Variants in SNX14 observed in about 807,000 individuals in gnomAD.
SNX14 encodes sorting nexin 14.
SNX14 carries 93 observed loss-of-function variants against 133.8 expected under a neutral mutation model. That is an observed-to-expected ratio of 0.70 (90% CI 0.59 to 0.83). The LOEUF is 0.83. SNX14 is among the 40% of genes least tolerant of loss of function. SNX14 has a pLI of 0.00. For synonymous variants in SNX14, 368 were observed against 365.6 expected (o/e 1.01, Z -0.07); for missense variants, 945 against 1,094.9 (o/e 0.86, Z 1.93).
intron 6 of SNX14, among the ~76,000 whole-genome samples, chr6:85,560,007 G>A (rs1204425051): frequency 6.6e-6 from 1 of 152,216 alleles, no homozygotes; most frequent in Non-Finnish European, 1.5e-5. Context: ...TGGCAAGGAT[G>A]TGGAGAAATT....
intron 7 of SNX14, among the ~76,000 whole-genome samples, 192 bp downstream of exon 7, chr6:85,557,779 CTTTTA>C (rs913007637): frequency 6.6e-6 from 1 of 152,148 alleles, no homozygotes; most frequent in African/African-American, 2.4e-5. Context: ...GTAAAGTTAA[CTTTTA>C]TTTTAATTTT....
intron 1 of SNX14, among the ~76,000 whole-genome samples, chr6:85,588,390 G>A (rs919293790): frequency 1.3e-4 from 20 of 151,948 alleles, no homozygotes; most frequent in Non-Finnish European, 2.2e-4. Flanking sequence ...TGACTAACAC[G>A]GTGAAACCCC....
intron 1 of SNX14, among the ~76,000 whole-genome samples, chr6:85,577,982 G>A (rs1429022529): frequency 1.3e-5 from 2 of 152,120 alleles, no homozygotes; most frequent in Admixed American, 6.6e-5. Context: ...TGAGGAAGTG[G>A]GATTGGTAAA....
intron 9 of SNX14, among the ~76,000 whole-genome samples, chr6:85,547,826 TCA>T (rs1582829055): frequency 6.6e-6 from 1 of 152,264 alleles, no homozygotes; most frequent in East Asian, 1.9e-4. Context: ...TCTCACTGGA[TCA>T]AAGGTAGAAG....
chr6:85,568,717 T>C (rs1485550514), intron 4 of SNX14, among the ~76,000 whole-genome samples: 3 of 152,190 alleles, frequency 2.0e-5, no homozygotes, highest in Non-Finnish European at 4.4e-5. Context: ...CTGGCAGCAA[T>C]AATAAAGTTT....
At chr6:85,543,827 C>T (rs1784621805) in intron 12 of SNX14, 67 bp from the exon 13 acceptor site, 1 of 1,020,324 alleles carries the variant, frequency 9.8e-7, no homozygotes, top group African/African-American at 1.7e-5. Flanking sequence ...AAGCTTCAGT[C>T]CCATTCTAAT....
chr6:85,588,188 T>C (rs776510934), intron 1 of SNX14, among the ~76,000 whole-genome samples: 2 of 151,828 alleles, frequency 1.3e-5, no homozygotes, highest in Non-Finnish European at 2.9e-5. Context: ...GAGGCTGAAG[T>C]GGGAGGACTG....
rs552343580 is a variant in SNX14, at chr6:85,515,932, T to C, written c.2269-1303A>G. On this transcript the variant is annotated intron_variant, in intron 23 of 28. Transcript: ENST00000314673. ...ATAAAGAGATATACAGTTTATTACA[T>C]CTGTTGACAATAATCACTAAGGCTA... Among the ~76,000 whole-genome samples the C allele has an allele frequency of 7.9e-5, 12 of 152,316 alleles. No individual in the cohort carries two copies. In the South Asian group the frequency reaches 1.2e-3, roughly 16 times the overall value.
chr6:85,517,928 C>T, intron 22 of SNX14, 53 bp from the exon 23 acceptor site: 1 of 1,577,094 alleles, frequency 6.3e-7, no homozygotes, highest in Non-Finnish European at 8.6e-7. Flanking sequence ...ATTTTTAGTA[C>T]ATAATCCAGC....
chr6:85,575,631 T>C (rs925749945), intron 1 of SNX14, among the ~76,000 whole-genome samples: 1 of 152,176 alleles, frequency 6.6e-6, no homozygotes, highest in Non-Finnish European at 1.5e-5. Flanking sequence ...CAAATGTAAA[T>C]GAAGTACAGA....
chr6:85,543,478 C>T (rs1784456005), intron 13 of SNX14, 127 bp downstream of exon 13: 1 of 1,056,022 alleles, frequency 9.5e-7, no homozygotes, highest in Non-Finnish European at 1.3e-6. Flanking sequence ...TTAAAGCTTT[C>T]ATCTCATTAG....
chr6:85,529,272 T>G (rs1779481667), intron 19 of SNX14, among the ~76,000 whole-genome samples: 1 of 120,382 alleles, frequency 8.3e-6, no homozygotes, highest in East Asian at 2.3e-4. Context: ...AACAAGGAAA[T>G]GAAGGAAGGA....
At chr6:85,523,971 T>G (rs1483203600) in intron 21 of SNX14, among the ~76,000 whole-genome samples, 1 of 152,026 alleles carries the variant, frequency 6.6e-6, no homozygotes, top group Non-Finnish European at 1.5e-5. Context: ...GATCACGAGG[T>G]CAAGAGATCG....
intron 6 of SNX14, among the ~76,000 whole-genome samples, chr6:85,562,582 CTTTTTTTTTTTT>C (rs201175458): frequency 1.1e-5 from 1 of 94,856 alleles, no homozygotes; most frequent in East Asian, 3.2e-4. Context: ...ACTTTTTGGG[CTTTTTTTTTTTT>C]TTTTTTTTTT....
intron 12 of SNX14, 127 bp downstream of exon 12, chr6:85,546,985 G>T: frequency 1.9e-6 from 1 of 530,352 alleles, no homozygotes; most frequent in Non-Finnish European, 3.0e-6. Context: ...AAAAAAAAAA[G>T]GAAATCGAGT....
intron 8 of SNX14, 35 bp from the exon 9 acceptor site, chr6:85,548,411 A>C: frequency 6.9e-7 from 1 of 1,459,648 alleles, no homozygotes; most frequent in Non-Finnish European, 9.4e-7. Flanking sequence ...GTTTATATTT[A>C]GTGATTTATA....
intron 28 of SNX14, among the ~76,000 whole-genome samples, chr6:85,506,625 G>A (rs533751111): frequency 3.3e-5 from 5 of 152,276 alleles, no homozygotes; most frequent in African/African-American, 1.2e-4. Flanking sequence ...CAACTTGAAA[G>A]TTTATAATAA....
chr6:85,508,206 AGGCTCCT>A (rs1171830905), intron 26 of SNX14, 147 bp from the exon 27 acceptor site: 1 of 1,343,864 alleles, frequency 7.4e-7, no homozygotes, highest in African/African-American at 1.5e-5. Flanking sequence ...TTTCTATAAG[AGGCTCCT>A]GGATAAGAGG....
chr6:85,580,348 T>C (rs1484661344), intron 1 of SNX14, among the ~76,000 whole-genome samples: 1 of 152,182 alleles, frequency 6.6e-6, no homozygotes, highest in East Asian at 1.9e-4. Context: ...TAACCAGGTA[T>C]TCACACAGTA....
Sources: gnomAD v4.1 joint callset for allele counts (sites outside exome capture counted in the v4.1 genomes callset) on GRCh38, gnomAD v4.1.1 for gene constraint, MANE v1.5 for transcripts, NCBI Gene and HGNC (gene_info 2026-07-23, HGNC 2026-07-21) for gene names.